The following SKAP1 variants were observed in gnomAD, a reference collection of about 807,000 sequenced individuals.
The protein encoded by SKAP1 is src kinase associated phosphoprotein 1, also known as src kinase-associated phosphoprotein 1.
In SKAP1, 44 loss-of-function variants were observed where a neutral mutation model predicts 58.5. The observed-to-expected ratio is 0.75, with a 90% CI of 0.59 to 0.97. The LOEUF (loss-of-function observed/expected upper bound fraction) is 0.97. Among genes scored for constraint, SKAP1 ranks in the 50% least tolerant of loss-of-function variants. SKAP1 has a pLI of 0.00. For missense variants in SKAP1, 390 were observed against 435.2 expected (o/e 0.90, Z 0.92); for synonymous variants, 127 against 149.7 (o/e 0.85, Z 1.11).
chr17:48,342,300 T>C (rs1598592087), intron 4 of SKAP1, among the ~76,000 whole-genome samples: 1 of 152,184 alleles, frequency 6.6e-6, no homozygotes, highest in East Asian at 1.9e-4. Context: ...ATTGTGGGCA[T>C]TTACAAAGGA....
At chr17:48,405,173 G>A (rs1472226069) in intron 1 of SKAP1, among the ~76,000 whole-genome samples, 1 of 152,086 alleles carries the variant, frequency 6.6e-6, no homozygotes, top group Non-Finnish European at 1.5e-5. Context: ...GTGTCCAACA[G>A]AAACAGAATG....
At chr17:48,315,226 G>C (rs760687355) in intron 4 of SKAP1, among the ~76,000 whole-genome samples, 1 of 152,176 alleles carries the variant, frequency 6.6e-6, no homozygotes, top group African/African-American at 2.4e-5. Context: ...GGATAGAAAT[G>C]CTGGAACATT....
intron 2 of SKAP1, among the ~76,000 whole-genome samples, chr17:48,383,262 G>A (rs1371692617): frequency 6.6e-6 from 1 of 152,180 alleles, no homozygotes; most frequent in African/African-American, 2.4e-5. Flanking sequence ...CTTTGGAAAA[G>A]TAGTCTGACA....
At chr17:48,213,564 G>C (rs190058679) in intron 4 of SKAP1, among the ~76,000 whole-genome samples, 1 of 152,134 alleles carries the variant, frequency 6.6e-6, no homozygotes, top group South Asian at 2.1e-4. Flanking sequence ...AAGAAAGCTA[G>C]TGTGGCAAGA....
At chr17:48,369,551 A>G (rs1400964833) in intron 2 of SKAP1, among the ~76,000 whole-genome samples, 8 of 152,140 alleles carry the variant, frequency 5.3e-5, no homozygotes, top group African/African-American at 9.7e-5. Flanking sequence ...GTACAAATAA[A>G]TTGAACCCAC....
intron 4 of SKAP1, among the ~76,000 whole-genome samples, chr17:48,273,874 T>G (rs546270824): frequency 6.6e-6 from 1 of 152,250 alleles, no homozygotes; most frequent in East Asian, 1.9e-4. Context: ...AAGGGTAGGC[T>G]TGAGGAATCT....
intron 1 of SKAP1, among the ~76,000 whole-genome samples, chr17:48,422,013 C>T (rs1408756639): frequency 2.0e-5 from 3 of 152,104 alleles, no homozygotes; most frequent in African/African-American, 7.2e-5. Context: ...GAGATCGAGA[C>T]CATCCTGGCC....
intron 3 of SKAP1, among the ~76,000 whole-genome samples, chr17:48,349,317 A>G (rs2066765750): frequency 6.6e-6 from 1 of 152,242 alleles, no homozygotes; most frequent in Non-Finnish European, 1.5e-5. Context: ...ATAAATGATC[A>G]CAAACTATAG....
chr17:48,210,774 C>T (rs1213101693), intron 4 of SKAP1, among the ~76,000 whole-genome samples: 3 of 152,160 alleles, frequency 2.0e-5, no homozygotes, highest in Non-Finnish European at 4.4e-5. Context: ...TGGCTTTAAT[C>T]GTTTCCATGG....
intron 1 of SKAP1, among the ~76,000 whole-genome samples, chr17:48,417,079 C>T (rs1044913413): frequency 6.6e-6 from 1 of 152,036 alleles, no homozygotes; most frequent in African/African-American, 2.4e-5. Flanking sequence ...TACCTTTTGC[C>T]AAGAAGGAAA....
intron 2 of SKAP1, among the ~76,000 whole-genome samples, chr17:48,368,102 G>A (rs2067033468): frequency 1.3e-5 from 2 of 151,850 alleles, no homozygotes; most frequent in South Asian, 4.2e-4. Flanking sequence ...TTTTAAAAAA[G>A]CCACACCTCT....
At chr17:48,224,446 G>A (rs1402965432) in intron 4 of SKAP1, among the ~76,000 whole-genome samples, 1 of 152,170 alleles carries the variant, frequency 6.6e-6, no homozygotes. Context: ...AAAGTTTTCA[G>A]TCAGGAAATG....
chr17:48,150,413 G>C (rs114544636), intron 11 of SKAP1, among the ~76,000 whole-genome samples: 62 of 152,298 alleles, frequency 4.1e-4, no homozygotes, highest in African/African-American at 1.5e-3. Context: ...AGGAGAGGAG[G>C]AACAGGAAAG....
chr17:48,366,912 C>T (rs376617275), intron 2 of SKAP1, among the ~76,000 whole-genome samples: 1 of 152,172 alleles, frequency 6.6e-6, no homozygotes, highest in East Asian at 1.9e-4. Context: ...ACAGCAGGAA[C>T]TTTGCTGTTG....
chr17:48,157,198 CA>C (rs1281120191), intron 11 of SKAP1, among the ~76,000 whole-genome samples: 1 of 151,364 alleles, frequency 6.6e-6, no homozygotes, highest in Non-Finnish European at 1.5e-5. Flanking sequence ...TCCCTGAGAA[CA>C]GGACAGGTGA....
At chr17:48,358,757 C>A (rs2066904916) in intron 3 of SKAP1, among the ~76,000 whole-genome samples, 1 of 152,124 alleles carries the variant, frequency 6.6e-6, no homozygotes, top group South Asian at 2.1e-4. Context: ...AAGTGCCTAC[C>A]ATGTGGCAAG....
In SKAP1 at chr17:48,383,566, C is replaced by G. The variant is rs142138693; in HGVS notation, c.152+13114G>C. Among the ~76,000 whole-genome samples the G allele has an allele frequency of 4.6e-3, 698 of 152,208 alleles. 1 individual carries two copies. The highest frequency in any genetic ancestry group is 6.9e-3 in the Non-Finnish European group (469 of 68,022). ...TATTTAAGCACAGAGTAAAACACTT[C>G]GGAAGACAGCTGTTTATTTGCACAG... On this transcript the variant is annotated intron_variant, in intron 2 of 12. Transcript: ENST00000336915.
intron 1 of SKAP1, among the ~76,000 whole-genome samples, chr17:48,423,698 GGATGAA>G (rs2144617663): frequency 6.6e-6 from 1 of 152,274 alleles, no homozygotes; most frequent in African/African-American, 2.4e-5. Flanking sequence ...TAGCGTTCAA[GGATGAA>G]AAATTCATGG....
intron 4 of SKAP1, among the ~76,000 whole-genome samples, chr17:48,275,318 C>G (rs2144007196): frequency 6.6e-6 from 1 of 152,268 alleles, no homozygotes; most frequent in South Asian, 2.1e-4. Context: ...TTGCTGAGCC[C>G]TTTCTTGAAA....
Sources: allele counts gnomAD v4.1 joint callset (sites outside exome capture counted in the v4.1 genomes callset), GRCh38; gene constraint gnomAD v4.1.1; transcripts MANE v1.5; gene names NCBI Gene and HGNC (gene_info 2026-07-23, HGNC 2026-07-21).